Variants in RPS6KC1 observed in about 807,000 individuals in gnomAD.
RPS6KC1 encodes the protein inactive ribosomal protein S6 kinase delta-1.
A neutral mutation model predicts 103.8 loss-of-function variants in RPS6KC1; 54 were observed. The ratio of observed to expected loss-of-function variants is 0.52; its 90% CI spans 0.42 to 0.65. The LOEUF is 0.65. Among genes scored for constraint, RPS6KC1 ranks in the 30% least tolerant of loss-of-function variants. The pLI is 0.00. For synonymous variants in RPS6KC1, 439 were observed against 438.7 expected (o/e 1.00, Z -0.01); for missense variants, 1,151 against 1,253.8 (o/e 0.92, Z 1.24).
At chr1:213,664,194 G>C in the RPS6KC1 span, among the ~76,000 whole-genome samples, 88 of 144,490 alleles carry the variant, frequency 6.1e-4, 1 homozygote, top group African/African-American at 2.2e-3. Flanking sequence ...GAAATGAGCG[G>C]GGGGGCGGGG....
At chr1:213,426,978 A>C in the RPS6KC1 span, among the ~76,000 whole-genome samples, 1 of 152,214 alleles carries the variant, frequency 6.6e-6, no homozygotes, top group Admixed American at 6.5e-5. Flanking sequence ...TATAAATAAA[A>C]GGCAAGTTTG....
At chr1:213,292,257 AAAATTAAATT>A in the RPS6KC1 span, among the ~76,000 whole-genome samples, 19 of 151,602 alleles carry the variant, frequency 1.3e-4, no homozygotes, top group African/African-American at 1.7e-4. Flanking sequence ...TAATAATAAT[AAAATTAAATT>A]AAATTAAAAA....
At chr1:213,438,792 C>CTTTTTTT in the RPS6KC1 span, among the ~76,000 whole-genome samples, 3 of 129,730 alleles carry the variant, frequency 2.3e-5, no homozygotes, top group Non-Finnish European at 5.0e-5. Context: ...ATCTTGGTTT[C>CTTTTTTT]TTTTTTTTTT....
At chr1:213,762,438 T>C in the RPS6KC1 span, among the ~76,000 whole-genome samples, 5 of 152,300 alleles carry the variant, frequency 3.3e-5, no homozygotes, top group Admixed American at 2.6e-4. Context: ...GTTGAATGAA[T>C]GAATGAAAAT....
the RPS6KC1 span, among the ~76,000 whole-genome samples, chr1:213,567,341 A>T: frequency 6.6e-6 from 1 of 152,106 alleles, no homozygotes; most frequent in Admixed American, 6.6e-5. Flanking sequence ...GGGAAATGGG[A>T]TGTGCATTTC....
At chr1:213,735,382 A>G in the RPS6KC1 span, among the ~76,000 whole-genome samples, 1 of 152,196 alleles carries the variant, frequency 6.6e-6, no homozygotes, top group Non-Finnish European at 1.5e-5. Flanking sequence ...GGGCTCTGCC[A>G]ACTCCCATGT....
At chr1:213,785,973 G>C in the RPS6KC1 span, among the ~76,000 whole-genome samples, 1 of 152,086 alleles carries the variant, frequency 6.6e-6, no homozygotes, top group South Asian at 2.1e-4. Flanking sequence ...AATAGGTAAA[G>C]GAAGCCCTTG....
chr1:213,450,015 CA>C, the RPS6KC1 span, among the ~76,000 whole-genome samples: 1 of 152,198 alleles, frequency 6.6e-6, no homozygotes, highest in African/African-American at 2.4e-5. Flanking sequence ...AGCAGGAGAA[CA>C]GGAACTAGTT....
chr1:213,254,779 G>A (rs1252704094), intron 12 of RPS6KC1, among the ~76,000 whole-genome samples: 1 of 152,096 alleles, frequency 6.6e-6, no homozygotes, highest in African/African-American at 2.4e-5. Flanking sequence ...CTGAGAAATT[G>A]TTTTCTGAGG....
At chr1:213,551,570 G>C in the RPS6KC1 span, among the ~76,000 whole-genome samples, 139 of 152,162 alleles carry the variant, frequency 9.1e-4, 1 homozygote, top group African/African-American at 3.3e-3. Flanking sequence ...ATAGTTTTAG[G>C]TTCACAGCAA....
At chr1:213,226,916 A>G (rs1381435111) in intron 8 of RPS6KC1, among the ~76,000 whole-genome samples, 2 of 152,242 alleles carry the variant, frequency 1.3e-5, no homozygotes, top group Non-Finnish European at 2.9e-5. Context: ...TCAGAAATAA[A>G]TAGTATCGCT....
the RPS6KC1 span, among the ~76,000 whole-genome samples, chr1:213,448,387 T>C: frequency 6.6e-6 from 1 of 152,016 alleles, no homozygotes; most frequent in Non-Finnish European, 1.5e-5. Context: ...AATCTGTGTG[T>C]TTTTCGAAAC....
chr1:213,101,103 C>A (rs1465825407), intron 3 of RPS6KC1, among the ~76,000 whole-genome samples: 1 of 152,106 alleles, frequency 6.6e-6, no homozygotes, highest in Non-Finnish European at 1.5e-5. Context: ...TATTTTTTGA[C>A]TTTTTAGTAA....
the RPS6KC1 span, among the ~76,000 whole-genome samples, chr1:213,486,709 T>C: frequency 2.0e-4 from 31 of 152,314 alleles, no homozygotes; most frequent in African/African-American, 7.0e-4. Flanking sequence ...CATAGACTCC[T>C]TTCTTCCTGC....
chr1:213,456,773 A>G, the RPS6KC1 span, among the ~76,000 whole-genome samples: 8 of 152,174 alleles, frequency 5.3e-5, no homozygotes, highest in Non-Finnish European at 1.2e-4. Flanking sequence ...CAATAATTCC[A>G]TTTTTAATAA....
chr1:213,728,830 G>A, the RPS6KC1 span, among the ~76,000 whole-genome samples: 2 of 151,886 alleles, frequency 1.3e-5, no homozygotes, highest in African/African-American at 2.4e-5. Flanking sequence ...GCTGTGCCTC[G>A]GGAAAGGTAG....
chr1:213,113,759 G>C (rs1309567295), intron 4 of RPS6KC1, among the ~76,000 whole-genome samples: 3 of 152,102 alleles, frequency 2.0e-5, no homozygotes, highest in Non-Finnish European at 4.4e-5. Flanking sequence ...AAGGGATCCA[G>C]TTTCAGCTTT....
the RPS6KC1 span, among the ~76,000 whole-genome samples, chr1:213,743,597 G>A: frequency 1.3e-5 from 2 of 152,198 alleles, no homozygotes; most frequent in East Asian, 3.8e-4. Flanking sequence ...TTTCCTTGAA[G>A]CCTAGCAGCT....
At chr1:213,849,649 A>C in the RPS6KC1 span, among the ~76,000 whole-genome samples, 1 of 152,172 alleles carries the variant, frequency 6.6e-6, no homozygotes, top group Non-Finnish European at 1.5e-5. Context: ...TTATAAAACA[A>C]TTGAGGATCT....
Sources: gnomAD v4.1 joint callset for allele counts (sites outside exome capture counted in the v4.1 genomes callset) on GRCh38, gnomAD v4.1.1 for gene constraint, MANE v1.5 for transcripts, NCBI Gene and HGNC (gene_info 2026-07-23, HGNC 2026-07-21) for gene names.